F2R: variants seen among roughly 807,000 people sequenced by gnomAD.
F2R encodes proteinase-activated receptor 1.
Under a neutral mutation model 18.3 loss-of-function variants are expected in F2R, and 12 were observed. The ratio of observed to expected loss-of-function variants is 0.66; its 90% CI spans 0.42 to 1.06. The LOEUF (loss-of-function observed/expected upper bound fraction) is 1.06. Among genes scored for constraint, F2R ranks in the 50% least tolerant of loss-of-function variants. F2R has a pLI of 0.00. For synonymous variants in F2R, 210 were observed against 219.9 expected (o/e 0.95, Z 0.40); for missense variants, 438 against 530.8 (o/e 0.83, Z 1.72).
chr5:76,724,401 G>C (rs1385008118), intron 1 of F2R, among the ~76,000 whole-genome samples: 1 of 152,118 alleles, frequency 6.6e-6, no homozygotes, highest in Non-Finnish European at 1.5e-5. Context: ...CTGATAATCA[G>C]TCAGTGTTCA....
In F2R at chr5:76,734,815, G is replaced by A. The variant is rs1748750813; in HGVS notation, c.*1312G>A. 6.6e-6 allele frequency: 1 copy of A among 152,354 alleles called. No homozygotes were observed. The allele number at this position is 152,354 out of a possible 1,614,324, so 9.4% of individuals were successfully genotyped here. ...GTGGTTATAACTTAATGAAAACAAT[G>A]CAGTACAGGACATATATTTTTTAAA... is the stretch of plus-strand genomic sequence containing the variant. On this transcript the variant is annotated 3_prime_UTR_variant, in exon 2 of 2. Coordinates refer to ENST00000319211, the MANE Select transcript of F2R (RefSeq NM_001992.5).
At chr5:76,720,261 C>T (rs1748422673) in intron 1 of F2R, among the ~76,000 whole-genome samples, 1 of 151,890 alleles carries the variant, frequency 6.6e-6, no homozygotes, top group South Asian at 2.1e-4. Context: ...CATAGTAAGA[C>T]CCCATCTCTA....
In F2R at chr5:76,733,371, C is replaced by G; in HGVS notation, c.1146C>G (p.Val382=). The part of the protein sequence containing the change: ...YYASSECQRY[V]YSILCCKESS... ...CTTCCTCTGAGTGCCAGAGGTACGT[C>G]TACAGTATCTTATGCTGCAAAGAAA... The change falls in exon 2 of 2, where the codon GTC becomes GTG. Residue 382 remains valine (V), a synonymous_variant. Transcript: ENST00000319211. 1 of 1,614,202 alleles carries G rather than the reference C, an allele frequency of 6.2e-7. No individual in the cohort carries two copies. Among genetic ancestry groups the G allele is most frequent in the East Asian group, 2.2e-5 (1 of 44,878 alleles).
At chr5:76,721,422 C>T (rs1748453232) in intron 1 of F2R, among the ~76,000 whole-genome samples, 1 of 152,110 alleles carries the variant, frequency 6.6e-6, no homozygotes. Context: ...CTGACCTTGT[C>T]GTGGTACTTG....
Position 76,732,525 on chromosome 5 carries a change from G to A in F2R, c.300G>A (p.Trp100Ter). Residue 100 changes from tryptophan to a stop codon, truncating the protein, a stop_gained, in exon 2 of 2, where the codon TGG becomes TGA. Transcript: ENST00000319211. LOFTEE classifies it high-confidence loss of function. Reference sequence around the variant, plus strand: ...CCTCCGGATATTTGACCAGCTCCTGGCTGACACTCTTTGTCCCATCTGTGT... The same window carrying A: ...CCTCCGGATATTTGACCAGCTCCTGACTGACACTCTTTGTCCCATCTGTGT... ...EDASGYLTSSWLTLFVPSVYT... is the reference protein window; with the variant it reads ...EDASGYLTSS 1 of 1,614,150 alleles carries A rather than the reference G, an allele frequency of 6.2e-7. No individual in the cohort carries two copies. Among genetic ancestry groups the A allele is most frequent in the East Asian group, 2.2e-5 (1 of 44,876 alleles).
At position 76,716,316 on chromosome 5, in the gene F2R, G is replaced by A; in HGVS notation, c.9G>A (p.Pro3=). The A allele has an allele frequency of 1.4e-6, 2 of 1,410,488 alleles. No homozygotes were observed. The highest frequency in any genetic ancestry group is 1.8e-6 in the Non-Finnish European group (2 of 1,084,802). 87.4% of individuals were successfully genotyped at this position (1,410,488 alleles called of 1,614,324 possible). ...GCGCAGAGCCCGGGACAATGGGGCC[G>A]CGGCGGCTGCTGCTGGTGGCCGCCT... MG[P]RRLLLVAACF... is the part of the protein sequence containing the mutation. Residue 3 remains proline (P), a synonymous_variant, in exon 1 of 2, where the codon CCG becomes CCA. Coordinates refer to ENST00000319211, the MANE Select transcript of F2R (RefSeq NM_001992.5).
Position 76,716,594 on chromosome 5 carries a change from C to T in F2R, c.88+199C>T, listed in dbSNP as rs760277660. The T allele has an allele frequency of 1.3e-5, 9 of 708,522 alleles. No homozygotes were observed. In the African/African-American group the frequency reaches 1.6e-4, roughly 13 times the overall value. The allele number at this position is 708,522 out of a possible 1,614,324, so 43.9% of individuals were successfully genotyped here. A position where few individuals can be genotyped will look rare whatever the true frequency, so the allele number is the denominator to read the frequency against. The stretch of plus-strand genomic sequence containing the variant: ...CCCTTCGCGGGCCCAGCCGATGCCC[C>T]TTTGGACTCGATCTTGGAGGGTGCA... On this transcript the variant is annotated intron_variant, in intron 1 of 1. Transcript: ENST00000319211.
intron 1 of F2R, among the ~76,000 whole-genome samples, chr5:76,718,876 T>C (rs192450478): frequency 1.1e-3 from 174 of 152,238 alleles, no homozygotes; most frequent in African/African-American, 4.1e-3. Flanking sequence ...TGGTGGGCAA[T>C]TCCACTTGCT....
chr5:76,718,217 TGGGGCAGGGAA>T (rs1267725323), intron 1 of F2R, among the ~76,000 whole-genome samples: 1 of 151,810 alleles, frequency 6.6e-6, no homozygotes, highest in African/African-American at 2.4e-5. Flanking sequence ...TGGTGGCGGG[TGGGGCAGGGAA>T]GGGGCAGTCC....
chr5:76,729,279 T>C (rs770001487), intron 1 of F2R, among the ~76,000 whole-genome samples: 3 of 152,244 alleles, frequency 2.0e-5, no homozygotes, highest in Non-Finnish European at 2.9e-5. Flanking sequence ...TTTTTTCATA[T>C]ACTTGTTGGC....
intron 1 of F2R, among the ~76,000 whole-genome samples, chr5:76,729,687 G>A (rs1748633953): frequency 6.6e-6 from 1 of 152,198 alleles, no homozygotes. Flanking sequence ...TATATAGTGT[G>A]AGAGAAGGGG....
At chr5:76,716,789 G>T in intron 1 of F2R, 1 of 525,944 alleles carries the variant, frequency 1.9e-6, no homozygotes, top group South Asian at 2.7e-5. Context: ...AAAATATAAA[G>T]TGGCGAACCG....
chr5:76,729,754 G>T (rs760011263), intron 1 of F2R, among the ~76,000 whole-genome samples: 2 of 152,206 alleles, frequency 1.3e-5, no homozygotes, highest in Non-Finnish European at 2.9e-5. Context: ...TGGTGATAAC[G>T]ATTTGGCTCT....
intron 1 of F2R, 111 bp downstream of exon 1, chr5:76,716,506 AAACT>A: frequency 1.0e-6 from 1 of 982,886 alleles, no homozygotes; most frequent in Non-Finnish European, 1.4e-6. Flanking sequence ...TCCGAAAGCC[AAACT>A]GGCATTTGGG....
At chr5:76,719,753 A>G (rs1748412537) in intron 1 of F2R, among the ~76,000 whole-genome samples, 2 of 152,172 alleles carry the variant, frequency 1.3e-5, no homozygotes, top group African/African-American at 4.8e-5. Context: ...GGATTTACCT[A>G]TTTTTGATAA....
At chr5:76,728,830 A>G (rs1455463161) in intron 1 of F2R, among the ~76,000 whole-genome samples, 1 of 151,642 alleles carries the variant, frequency 6.6e-6, no homozygotes, top group Non-Finnish European at 1.5e-5. Context: ...AGCTGGGATT[A>G]TAGGTATGCG....
At chr5:76,731,128 T>C (rs1561630730) in intron 1 of F2R, among the ~76,000 whole-genome samples, 1 of 152,214 alleles carries the variant, frequency 6.6e-6, no homozygotes, top group Non-Finnish European at 1.5e-5. Context: ...ATGACTGAGA[T>C]GATGGGTACC....
At chr5:76,716,463 T>C (rs1490267311) in intron 1 of F2R, 68 bp downstream of exon 1, 1 of 1,258,216 alleles carries the variant, frequency 7.9e-7, no homozygotes, top group South Asian at 1.7e-5. Flanking sequence ...GGGGTCACTG[T>C]TGCGCCTTCT....
Position 76,733,314 on chromosome 5 carries a change from C to G in F2R, c.1089C>G (p.Ser363Arg). 1 of 1,614,214 alleles carries G rather than the reference C, an allele frequency of 6.2e-7. No homozygotes were observed. Among genetic ancestry groups the G allele is most frequent in the Non-Finnish European group, 8.5e-7 (1 of 1,180,040 alleles). The part of the protein sequence containing the change: ...YLLCVCVSSI[S>R]CCIDPLIYYY... ...TCTGTGTCTGTGTCAGCAGCATAAG[C>G]TGCTGCATCGACCCCCTAATTTACT... Residue 363 changes from serine to arginine, a missense_variant, in exon 2 of 2, where the codon AGC (serine) becomes AGG (arginine). Physicochemically the swap from Ser to Arg is moderately radical, Grantham distance 110 (BLOSUM62 -1). Transcript: ENST00000319211.
Sources: allele counts gnomAD v4.1 joint callset (sites outside exome capture counted in the v4.1 genomes callset), GRCh38; gene constraint gnomAD v4.1.1; transcripts MANE v1.5; gene names NCBI Gene and HGNC (gene_info 2026-07-23, HGNC 2026-07-21).